Variants in AR observed in about 807,000 individuals in gnomAD.
AR encodes the protein androgen receptor.
A neutral mutation model predicts 53.9 loss-of-function variants in AR; 8 were observed. The observed-to-expected ratio is 0.15, with a 90% CI of 0.09 to 0.27. AR has a LOEUF of 0.27. AR is among the 10% of genes least tolerant of loss of function. The pLI is 1.00. For synonymous variants in AR, 359 were observed against 316.4 expected, an observed-to-expected ratio of 1.13 and a Z score of -1.43; for missense variants, 639 against 742.5, an observed-to-expected ratio of 0.86 and a Z score of 1.62.
chrX:67,549,863 G>T (rs1158556096), intron 1 of AR, among the ~76,000 whole-genome samples: 2 of 111,674 alleles, frequency 1.8e-5, no homozygotes, highest in African/African-American at 6.5e-5. Context: ...TCAAAATAAG[G>T]CATTTTATTA....
intron 3 of AR, among the ~76,000 whole-genome samples, chrX:67,697,267 A>G (rs776230241): frequency 6.3e-5 from 7 of 111,321 alleles, no homozygotes; most frequent in Non-Finnish European, 9.4e-5. Context: ...GTGAAACTCT[A>G]TATGTTTCAT....
At chrX:67,720,232 C>A (rs1229386270) in intron 5 of AR, among the ~76,000 whole-genome samples, 1 of 110,697 alleles carries the variant, frequency 9.0e-6, no homozygotes, top group Non-Finnish European at 1.9e-5. Flanking sequence ...CCTCATTTTT[C>A]TACCCTCCAT....
chrX:67,544,358 C>T lies in AR; in HGVS notation c.-789C>T, dbSNP rs1460872243. ...TCCTCCTCTCCACCCCGCCTCCCCC[C>T]ACCCTGCCTTCCCCCCCTCCCCCGT... On this transcript the variant is annotated 5_prime_UTR_variant, in exon 1 of 8. Transcript: ENST00000374690. The T allele has an allele frequency of 7.5e-5, 9 of 120,292 alleles. No individual in the cohort carries two copies. Among genetic ancestry groups the T allele is most frequent in the Non-Finnish European group, 3.2e-5 (2 of 63,208 alleles). 9.9% of individuals were successfully genotyped at this position (120,292 alleles called of 1,213,427 possible). A position where few individuals can be genotyped will look rare whatever the true frequency, so the allele number is the denominator to read the frequency against.
chrX:67,638,523 G>A (rs1925572039), intron 1 of AR, among the ~76,000 whole-genome samples: 2 of 111,504 alleles, frequency 1.8e-5, no homozygotes, highest in Admixed American at 1.9e-4. Context: ...ATTCTAACTG[G>A]CGTGAGATGG....
chrX:67,579,934 C>T (rs1304772838), intron 1 of AR, among the ~76,000 whole-genome samples: 1 of 111,139 alleles, frequency 9.0e-6, no homozygotes, highest in Non-Finnish European at 1.9e-5. Context: ...TAAATTGTTC[C>T]TTCTCTGAGT....
chrX:67,688,683 C>CATATGTTCAA (rs1358428358), intron 3 of AR, among the ~76,000 whole-genome samples: 1 of 111,553 alleles, frequency 9.0e-6, no homozygotes, highest in Non-Finnish European at 1.9e-5. Flanking sequence ...GTTCAAATAC[C>CATATGTTCAA]ATGCCAGTAA....
chrX:67,663,386 G>T (rs1182278131), intron 2 of AR, among the ~76,000 whole-genome samples: 2 of 111,672 alleles, frequency 1.8e-5, no homozygotes, highest in African/African-American at 6.5e-5. Context: ...ACCTATGAAG[G>T]TTAGTTTGGC....
intron 1 of AR, among the ~76,000 whole-genome samples, chrX:67,631,637 T>A (rs1348759484): frequency 8.9e-6 from 1 of 112,614 alleles, no homozygotes; most frequent in Admixed American, 9.4e-5. Context: ...TCTTCTCTCA[T>A]CTCATCAAAG....
chrX:67,651,640 C>G (rs777132843), intron 2 of AR, among the ~76,000 whole-genome samples: 1 of 111,601 alleles, frequency 9.0e-6, no homozygotes, highest in South Asian at 3.8e-4. Context: ...ACAGCAGAGT[C>G]AAATATGAGA....
intron 1 of AR, among the ~76,000 whole-genome samples, chrX:67,592,235 G>A (rs770046004): frequency 2.9e-4 from 32 of 111,998 alleles, no homozygotes; most frequent in Non-Finnish European, 5.6e-5. Context: ...GCTGCAAATT[G>A]GAGGCAGAAA....
At chrX:67,638,750 C>A (rs1459028679) in intron 1 of AR, among the ~76,000 whole-genome samples, 1 of 111,993 alleles carries the variant, frequency 8.9e-6, no homozygotes, top group East Asian at 2.8e-4. Flanking sequence ...GGATAGACTG[C>A]AGAAATTTTC....
At chrX:67,712,216 T>C (rs1190829359) in intron 4 of AR, among the ~76,000 whole-genome samples, 1 of 112,098 alleles carries the variant, frequency 8.9e-6, no homozygotes, top group Non-Finnish European at 1.9e-5. Flanking sequence ...TGTGATCCCT[T>C]CCCCTTCTGG....
intron 5 of AR, among the ~76,000 whole-genome samples, chrX:67,719,539 G>C (rs866199244): frequency 1.8e-5 from 2 of 111,516 alleles, no homozygotes; most frequent in Non-Finnish European, 3.8e-5. Context: ...TCAAACCCAG[G>C]GCTCCTGAAA....
At chrX:67,594,537 A>C (rs1406780730) in intron 1 of AR, among the ~76,000 whole-genome samples, 8 of 112,339 alleles carry the variant, frequency 7.1e-5, no homozygotes, top group Non-Finnish European at 1.9e-5. Flanking sequence ...TTTTTATATG[A>C]TTACAAAAAA....
intron 2 of AR, among the ~76,000 whole-genome samples, chrX:67,656,780 T>C (rs138134253): frequency 0.011 from 1,192 of 110,123 alleles, 16 homozygotes; most frequent in African/African-American, 0.038. Context: ...GAGTAAAGCA[T>C]AGTTTCAGTC....
intron 1 of AR, among the ~76,000 whole-genome samples, chrX:67,638,283 T>A (rs1318168228): frequency 8.9e-6 from 1 of 111,956 alleles, no homozygotes; most frequent in African/African-American, 3.3e-5. Flanking sequence ...ACAGTAGACA[T>A]AAGTGTGCAT....
chrX:67,567,209 A>G (rs778386820), intron 1 of AR, among the ~76,000 whole-genome samples: 9 of 111,390 alleles, frequency 8.1e-5, no homozygotes, highest in African/African-American at 2.9e-4. Flanking sequence ...CTTTCTGGGT[A>G]CTGGGACCCA....
intron 2 of AR, among the ~76,000 whole-genome samples, chrX:67,675,438 A>G (rs2075894087): frequency 1.8e-5 from 2 of 111,796 alleles, no homozygotes; most frequent in African/African-American, 6.5e-5. Flanking sequence ...ACTTTAGCCC[A>G]CAGTGACAGG....
chrX:67,552,036 T>C (rs1254931379), intron 1 of AR, among the ~76,000 whole-genome samples: 1 of 112,305 alleles, frequency 8.9e-6, no homozygotes, highest in East Asian at 2.8e-4. Flanking sequence ...TATTGAGACG[T>C]AATTTACAAT....
Sources: gnomAD v4.1 joint callset for allele counts (sites outside exome capture counted in the v4.1 genomes callset) on GRCh38, gnomAD v4.1.1 for gene constraint, MANE v1.5 for transcripts, NCBI Gene and HGNC (gene_info 2026-07-23, HGNC 2026-07-21) for gene names.